THNSL2: variants seen among roughly 807,000 people sequenced by gnomAD.
THNSL2 encodes threonine synthase like 2.
Under a neutral mutation model 40.0 loss-of-function variants are expected in THNSL2, and 34 were observed. The ratio of observed to expected loss-of-function variants is 0.85; its 90% CI spans 0.65 to 1.13. The LOEUF is 1.13. Among genes scored for constraint, THNSL2 ranks in the 50% most tolerant of loss-of-function variants. The probability of loss-of-function intolerance (pLI) is 0.00; values close to 1 mark genes in which losing one functional copy is unlikely to be tolerated. For missense variants in THNSL2, 537 were observed against 608.8 expected (o/e 0.88, Z 1.24); for synonymous variants, 241 against 247.5 (o/e 0.97, Z 0.25).
intron 2 of THNSL2, among the ~76,000 whole-genome samples, chr2:88,173,589 G>T (rs975472064): frequency 6.6e-6 from 1 of 151,146 alleles, no homozygotes; most frequent in Non-Finnish European, 1.5e-5. Flanking sequence ...TTTCTTCAGA[G>T]AATTCTTTCT....
At chr2:88,171,320 C>T (rs1266887178) in intron 1 of THNSL2, 1 of 456,694 alleles carries the variant, frequency 2.2e-6, no homozygotes, top group Non-Finnish European at 4.4e-6. Context: ...ATGTGCTCAT[C>T]AGGCCAGCTC....
At chr2:88,171,080 T>C in intron 1 of THNSL2, 1 of 331,970 alleles carries the variant, frequency 3.0e-6, no homozygotes, top group Non-Finnish European at 6.1e-6. Context: ...AGGGGACACG[T>C]AGTCCGGGTC....
At position 88,174,711 on chromosome 2, in the gene THNSL2, T is replaced by C; in HGVS notation, c.296T>C (p.Leu99Pro). 6.2e-7 allele frequency: 1 copy of C among 1,614,224 alleles called. No individual in the cohort carries two copies. Among genetic ancestry groups the C allele is most frequent in the Non-Finnish European group, 8.5e-7 (1 of 1,180,036 alleles). Reference protein sequence around the residue: ...VVHLSRLRNGLNVLELWHGVT... With the variant: ...VVHLSRLRNGPNVLELWHGVT... The stretch of plus-strand genomic sequence containing the variant: ...CATCTGTCCAGGTTGAGGAATGGGC[T>C]GAACGTGTTGGAGCTGTGGCATGGC... Residue 99 changes from leucine (L) to proline (P), a missense_variant, in exon 3 of 9, where the codon CTG becomes CCG. By Grantham distance (98) the Leu-to-Pro change is moderately conservative (BLOSUM62 -3). Coordinates refer to ENST00000674334, the MANE Select transcript of THNSL2 (RefSeq NM_018271.5).
chr2:88,181,497 C>T (rs1573201183), intron 5 of THNSL2, among the ~76,000 whole-genome samples: 1 of 59,504 alleles, frequency 1.7e-5, no homozygotes, highest in Non-Finnish European at 3.3e-5. Context: ...TCTCTCTCTC[C>T]TCTCTCTCTC....
rs954801702 is a variant in THNSL2, at chr2:88,178,970, G to T, written c.759G>T (p.Leu253=). The change falls in exon 5 of 9, where the codon CTG becomes CTT. Residue 253 remains leucine, a synonymous_variant. Transcript: ENST00000674334. ...TPSLDTHPLP[L]VEVVVPTGAA... is the part of the protein sequence containing the mutation. The stretch of plus-strand genomic sequence containing the variant: ...CCTTGGACACACATCCCCTACCCCT[G>T]GTGGAGGTGGTTGTGCCAACAGGGG... 2.6e-5 allele frequency: 42 copies of T among 1,613,986 alleles called. No homozygotes were observed. The Middle Eastern group carries it at 4.9e-4, about 19-fold the overall frequency.
chr2:88,175,285 G>A lies in THNSL2; in HGVS notation c.455G>A (p.Ser152Asn). 2 of 1,614,220 alleles carry A rather than the reference G, an allele frequency of 1.2e-6. No individual in the cohort carries two copies. The highest frequency in any genetic ancestry group is 1.7e-6 in the Non-Finnish European group (2 of 1,180,042). ...GACACAGGAAGTGCTGCCATTGAGAGTGTTCAAGGGGCAAAGAACATGGAC... is the reference window on the plus strand; with the variant it reads ...GACACAGGAAGTGCTGCCATTGAGAATGTTCAAGGGGCAAAGAACATGGAC... ...SGDTGSAAIE[S>N]VQGAKNMDII... Residue 152 changes from serine to asparagine, a missense_variant, in exon 4 of 9, where the codon AGT becomes AAT. Ser to Asn is a conservative substitution (Grantham distance 46, BLOSUM62 1). Transcript: ENST00000674334.
rs1553460739 is a variant in THNSL2, at chr2:88,170,414, T to TCGCGCCTCGCGCCC, written c.-49_-48insTCGCGCCCCGCGCC. On this transcript the variant is annotated 5_prime_UTR_variant, in exon 1 of 9. Transcript: ENST00000674334. ...GGGCAGCCCTGCTGCGCACCGGGCC[T>TCGCGCCTCGCGCCC]CGCGCCCCGCGCCCCGCGCCCCGCG... 4.0e-5 allele frequency: 6 copies of TCGCGCCTCGCGCCC among 149,162 alleles called. No homozygotes were observed. Among genetic ancestry groups the TCGCGCCTCGCGCCC allele is most frequent in the East Asian group, 4.0e-4 (2 of 4,988 alleles). The allele number at this position is 149,162 out of a possible 1,614,324, so 9.2% of individuals were successfully genotyped here. A position where few individuals can be genotyped will look rare whatever the true frequency, so the allele number is the denominator to read the frequency against.
chr2:88,172,150 T>C (rs1363323850), intron 1 of THNSL2: 1 of 152,262 alleles, frequency 6.6e-6, no homozygotes, highest in Non-Finnish European at 1.5e-5. Flanking sequence ...ATAGTTACTG[T>C]GGGGCGTCAA....
chr2:88,177,772 A>C (rs1179922115), intron 4 of THNSL2, among the ~76,000 whole-genome samples: 1 of 152,160 alleles, frequency 6.6e-6, no homozygotes, highest in Non-Finnish European at 1.5e-5. Context: ...TTTAGAACCC[A>C]GCTAACATGT....
intron 5 of THNSL2, 50 bp downstream of exon 5, chr2:88,179,063 C>T: frequency 1.3e-6 from 2 of 1,575,264 alleles, no homozygotes; most frequent in Non-Finnish European, 1.7e-6. Context: ...ATGCCTGTGG[C>T]CCCAGTCCTT....
intron 8 of THNSL2, 49 bp downstream of exon 8, chr2:88,185,528 G>T: frequency 6.4e-7 from 1 of 1,563,170 alleles, no homozygotes; most frequent in East Asian, 2.4e-5. Context: ...TGAATTTCAG[G>T]GGCCCTCTTC....
chr2:88,172,333 A>T (rs559390980), intron 1 of THNSL2: 2 of 152,268 alleles, frequency 1.3e-5, no homozygotes, highest in Non-Finnish European at 2.9e-5. Flanking sequence ...CAGTCCATGC[A>T]GGGCCAGTTA....
chr2:88,185,959 GC>G lies in THNSL2; in HGVS notation c.1292del (p.Ala431ValfsTer3), dbSNP rs1678251398. On this transcript the variant is annotated frameshift_variant, in exon 9 of 9. Transcript: ENST00000674334. LOFTEE classifies it low-confidence loss of function (END_TRUNC). Reference sequence around the variant, plus strand: ...CAAGTTCCCGGAAGCTGTCCTGGCTGCTGGCCTGACCCCTGAGACTCCCGCG... The same window carrying G: ...CAAGTTCCCGGAAGCTGTCCTGGCTGTGGCCTGACCCCTGAGACTCCCGCG... ...AAKFPEAVLAAGLTPETPAEI... is the reference protein window; with the variant it reads ...AAKFPEAVLAXGLTPETPAEI... 1.9e-6 allele frequency: 3 copies of G among 1,612,880 alleles called. No individual in the cohort carries two copies. The African/African-American group carries it at 4.0e-5, about 22-fold the overall frequency.
chr2:88,173,222 A>C lies in THNSL2; in HGVS notation c.72A>C (p.Ala24=), dbSNP rs544283083. Residue 24 remains alanine, a synonymous_variant, in exon 2 of 9, where the codon GCA becomes GCC. Coordinates refer to ENST00000674334, the MANE Select transcript of THNSL2 (RefSeq NM_018271.5). ...AGGGGGCCCTCTTCTCTGGCTATGC[A>C]CCTGACGGGGGCCTCTTTATGCCTG... ...NFEGALFSGY[A]PDGGLFMPEE... 2 of 1,610,600 alleles carry C rather than the reference A, an allele frequency of 1.2e-6. No homozygotes were observed. The highest frequency in any genetic ancestry group is 4.5e-5 in the East Asian group (2 of 44,830).
chr2:88,186,232 C>T lies in THNSL2; in HGVS notation c.*109C>T. 9.0e-7 allele frequency: 1 copy of T among 1,105,246 alleles called. No homozygotes were observed. The highest frequency in any genetic ancestry group is 1.5e-5 in the South Asian group (1 of 66,434). 68.5% of individuals were successfully genotyped at this position (1,105,246 alleles called of 1,614,324 possible). On this transcript the variant is annotated 3_prime_UTR_variant, in exon 9 of 9. Coordinates refer to ENST00000674334, the MANE Select transcript of THNSL2 (RefSeq NM_018271.5). ...CGTAGGTTAGGAGGTTTCCGGGAGG[C>T]TGCTCAGCTGGATCTGGAGCCAGCT...
In THNSL2 at chr2:88,170,443, C is replaced by CGCGCCCCGCGCCCG. The variant is rs1276813963; in HGVS notation, c.-17_-16insGCCCGGCGCCCCGC. 115 of 126,590 alleles carry CGCGCCCCGCGCCCG rather than the reference C, an allele frequency of 9.1e-4. No individual in the cohort carries two copies. Among genetic ancestry groups the CGCGCCCCGCGCCCG allele is most frequent in the African/African-American group, 2.9e-3 (112 of 38,164 alleles). The allele number at this position is 126,590 out of a possible 1,614,324, so 7.8% of individuals were successfully genotyped here. On this transcript the variant is annotated 5_prime_UTR_variant, in exon 1 of 9. Transcript: ENST00000674334. The stretch of plus-strand genomic sequence containing the variant: ...GCCCCGCGCCCCGCGCCCCGCGCCC[C>CGCGCCCCGCGCCCG]GCGCCCCGCACCGGTAACGCGCGCC...
At chr2:88,184,361 T>C (rs1678019872) in intron 7 of THNSL2, among the ~76,000 whole-genome samples, 1 of 152,250 alleles carries the variant, frequency 6.6e-6, no homozygotes, top group African/African-American at 2.4e-5. Context: ...ATTCATGTTA[T>C]ATATCTACTG....
chr2:88,177,748 GCAGTGAATCTTTTTTTAGAACC>G (rs563970499), intron 4 of THNSL2, among the ~76,000 whole-genome samples: 8 of 152,246 alleles, frequency 5.3e-5, no homozygotes, highest in African/African-American at 1.9e-4. Context: ...TTTTTTTAAA[GCAGTGAATCTTTTTTTAGAACC>G]CAGCTAACAT....
Position 88,182,981 on chromosome 2 carries a change from C to T in THNSL2, c.985C>T (p.Leu329Phe). The change falls in exon 7 of 9, where the codon CTC becomes TTC. Residue 329 changes from leucine (L) to phenylalanine (F), a missense_variant. Transcript: ENST00000674334. Reference sequence around the variant, plus strand: ...CAACATGGAGAGGGTGTTCTGGCTGCTCTCTGGCTCTGACAGCCAGGTGAC... The same window carrying T: ...CAACATGGAGAGGGTGTTCTGGCTGTTCTCTGGCTCTGACAGCCAGGTGAC... Reference protein sequence around the residue: ...PYNMERVFWLLSGSDSQVTRA... With the variant: ...PYNMERVFWLFSGSDSQVTRA... The T allele has an allele frequency of 6.2e-7, 1 of 1,614,140 alleles. No individual in the cohort carries two copies. The highest frequency in any genetic ancestry group is 2.2e-5 in the East Asian group (1 of 44,886).
Sources: allele counts gnomAD v4.1 joint callset (sites outside exome capture counted in the v4.1 genomes callset), GRCh38; gene constraint gnomAD v4.1.1; transcripts MANE v1.5; gene names NCBI Gene and HGNC (gene_info 2026-07-23, HGNC 2026-07-21).